The following MAP3K5 variants were observed in gnomAD, a reference collection of about 807,000 sequenced individuals.
The protein encoded by MAP3K5 is ASK-1.
In MAP3K5, 56 loss-of-function variants were observed where a neutral mutation model predicts 158.7. The observed-to-expected ratio is 0.35, with a 90% confidence interval of 0.28 to 0.44. The LOEUF (loss-of-function observed/expected upper bound fraction) is 0.44. Ranked by LOEUF, MAP3K5 falls within the 20% of genes least tolerant of loss-of-function variation. The probability of loss-of-function intolerance (pLI) is 1.00; values close to 1 mark genes in which losing one functional copy is unlikely to be tolerated. For synonymous variants in MAP3K5, 579 were observed against 601.7 expected (o/e 0.96, Z 0.55); for missense variants, 1,294 against 1,674.8 (o/e 0.77, Z 3.97).
At chr6:136,779,848 T>C (rs999950506) in intron 1 of MAP3K5, among the ~76,000 whole-genome samples, 32 of 152,322 alleles carry the variant, frequency 2.1e-4, no homozygotes, top group South Asian at 4.1e-4. Context: ...TGTTGTCAAT[T>C]TGTACATGTT....
At chr6:136,745,465 C>T (rs1448560556) in intron 1 of MAP3K5, among the ~76,000 whole-genome samples, 2 of 152,174 alleles carry the variant, frequency 1.3e-5, no homozygotes, top group Non-Finnish European at 2.9e-5. Flanking sequence ...AGCTCCCTGC[C>T]TCTGGCTGCT....
chr6:136,735,867 A>G (rs897439319), intron 1 of MAP3K5, among the ~76,000 whole-genome samples: 4 of 152,188 alleles, frequency 2.6e-5, no homozygotes, highest in African/African-American at 9.7e-5. Flanking sequence ...ATTTCATCCT[A>G]TGTTAAAAAA....
intron 2 of MAP3K5, among the ~76,000 whole-genome samples, chr6:136,710,480 G>A (rs1034439426): frequency 2.0e-5 from 3 of 151,934 alleles, no homozygotes; most frequent in Admixed American, 2.0e-4. Flanking sequence ...ACCAATTAAG[G>A]GGAGCAAGAC....
At chr6:136,768,854 A>C (rs905014877) in intron 1 of MAP3K5, among the ~76,000 whole-genome samples, 10 of 152,050 alleles carry the variant, frequency 6.6e-5, no homozygotes, top group Non-Finnish European at 1.5e-4. Context: ...CGGAGGTTGC[A>C]GTGAGCCAAG....
At chr6:136,789,915 C>T (rs972663715) in intron 1 of MAP3K5, among the ~76,000 whole-genome samples, 3 of 152,078 alleles carry the variant, frequency 2.0e-5, no homozygotes, top group African/African-American at 7.2e-5. Context: ...TGGCCTGGAA[C>T]TCCTGACCTC....
intron 1 of MAP3K5, among the ~76,000 whole-genome samples, chr6:136,739,646 G>A (rs1419439926): frequency 2.0e-5 from 3 of 152,158 alleles, no homozygotes; most frequent in African/African-American, 7.2e-5. Flanking sequence ...CTTCAAGAGA[G>A]GTCCTAGACC....
intron 7 of MAP3K5, among the ~76,000 whole-genome samples, chr6:136,690,548 A>C (rs1412377438): frequency 1.3e-5 from 2 of 152,196 alleles, no homozygotes; most frequent in African/African-American, 2.4e-5. Context: ...GTTAATCTGA[A>C]TAGTGTAAAG....
At chr6:136,788,535 GGT>G in intron 1 of MAP3K5, among the ~76,000 whole-genome samples, 2 of 152,140 alleles carry the variant, frequency 1.3e-5, no homozygotes, top group East Asian at 3.9e-4. Flanking sequence ...ATTTAAGAAA[GGT>G]CTACAAATCA....
intron 2 of MAP3K5, among the ~76,000 whole-genome samples, chr6:136,715,165 A>G (rs548269938): frequency 5.9e-5 from 9 of 152,362 alleles, no homozygotes; most frequent in African/African-American, 1.9e-4. Flanking sequence ...CATTACTTCT[A>G]TAATGGATAA....
At chr6:136,752,926 C>T (rs894559841) in intron 1 of MAP3K5, among the ~76,000 whole-genome samples, 1 of 152,198 alleles carries the variant, frequency 6.6e-6, no homozygotes, top group East Asian at 1.9e-4. Context: ...ACATGCTCAT[C>T]CCAGATCTCT....
intron 10 of MAP3K5, among the ~76,000 whole-genome samples, chr6:136,654,777 A>G (rs1467110481): frequency 2.0e-5 from 3 of 148,798 alleles, no homozygotes; most frequent in Non-Finnish European, 4.5e-5. Context: ...ATCACTTTAT[A>G]GGATTTTTTT....
At chr6:136,772,108 G>A (rs574116156) in intron 1 of MAP3K5, among the ~76,000 whole-genome samples, 37 of 144,052 alleles carry the variant, frequency 2.6e-4, no homozygotes, top group East Asian at 2.2e-3. Flanking sequence ...TGGGGGGGGG[G>A]GGTTTACCAT....
At chr6:136,672,519 G>A (rs748101394) in intron 7 of MAP3K5, among the ~76,000 whole-genome samples, 13 of 152,170 alleles carry the variant, frequency 8.5e-5, no homozygotes, top group African/African-American at 2.9e-4. Context: ...AATGAAACCC[G>A]AAGGAGTCCC....
intron 2 of MAP3K5, among the ~76,000 whole-genome samples, chr6:136,713,350 G>A (rs1415244820): frequency 6.6e-6 from 1 of 152,184 alleles, no homozygotes; most frequent in Non-Finnish European, 1.5e-5. Flanking sequence ...CAGTGGGCAA[G>A]GAGTGAGGGT....
intron 1 of MAP3K5, among the ~76,000 whole-genome samples, chr6:136,772,106 G>C (rs1341729911): frequency 1.4e-5 from 2 of 143,212 alleles, no homozygotes; most frequent in African/African-American, 2.6e-5. Context: ...AATGGGGGGG[G>C]GGGGTTTACC....
chr6:136,780,218 T>C (rs1441847874), intron 1 of MAP3K5, among the ~76,000 whole-genome samples: 1 of 152,208 alleles, frequency 6.6e-6, no homozygotes, highest in Admixed American at 6.5e-5. Context: ...AATATTACCT[T>C]ATGCAAAACT....
intron 23 of MAP3K5, among the ~76,000 whole-genome samples, chr6:136,585,489 A>G (rs59325772): frequency 7.7e-6 from 1 of 129,254 alleles, no homozygotes; most frequent in Non-Finnish European, 1.6e-5. Context: ...TTATTTATTT[A>G]TTTATTTATT....
chr6:136,751,169 A>C (rs1004400277), intron 1 of MAP3K5, among the ~76,000 whole-genome samples: 1 of 116,072 alleles, frequency 8.6e-6, no homozygotes, highest in African/African-American at 3.0e-5. Flanking sequence ...TTTTTGGCTT[A>C]TGATTTTACC....
intron 23 of MAP3K5, among the ~76,000 whole-genome samples, chr6:136,589,238 C>CT (rs1279671632): frequency 3.9e-5 from 6 of 152,160 alleles, no homozygotes; most frequent in Non-Finnish European, 7.3e-5. Flanking sequence ...TAGCCCCAAC[C>CT]TTTTTTTGCA....
Sources: gnomAD v4.1 joint callset for allele counts (sites outside exome capture counted in the v4.1 genomes callset) on GRCh38, gnomAD v4.1.1 for gene constraint, MANE v1.5 for transcripts, NCBI Gene and HGNC (gene_info 2026-07-23, HGNC 2026-07-21) for gene names.